The following MORC3 variants were observed in gnomAD, a reference collection of about 807,000 sequenced individuals.
MORC3 encodes the protein MORC family CW-type zinc finger 3.
Under a neutral mutation model 109.1 loss-of-function variants are expected in MORC3, and 31 were observed. The observed-to-expected ratio is 0.28, with a 90% confidence interval of 0.21 to 0.38. The LOEUF (loss-of-function observed/expected upper bound fraction) is 0.38, where lower values mean the gene tolerates loss of function less well. Among genes scored for constraint, MORC3 ranks in the 10% least tolerant of loss-of-function variants. The pLI is 1.00. For synonymous variants in MORC3, 395 were observed against 380.7 expected (o/e 1.04, Z -0.44); for missense variants, 867 against 1,135.8 (o/e 0.76, Z 3.40).
chr21:36,331,676 TAA>T (rs965191433), intron 1 of MORC3, among the ~76,000 whole-genome samples: 6 of 152,016 alleles, frequency 3.9e-5, no homozygotes, highest in African/African-American at 1.5e-4. Context: ...CTCAGGAACT[TAA>T]GAGAGTTCCC....
At chr21:36,368,541 A>G (rs966381720) in intron 14 of MORC3, among the ~76,000 whole-genome samples, 2 of 152,190 alleles carry the variant, frequency 1.3e-5, no homozygotes, top group Non-Finnish European at 2.9e-5. Flanking sequence ...GTACTATACA[A>G]TGCGTCACTT....
chr21:36,320,213 C>G lies in MORC3; in HGVS notation c.-52C>G, dbSNP rs538967727. The G allele has an allele frequency of 4.7e-5, 73 of 1,560,110 alleles. No homozygotes were observed. In the African/African-American group the frequency reaches 8.4e-4, roughly 18 times the overall value. On this transcript the variant is annotated 5_prime_UTR_variant, in exon 1 of 17. Transcript: ENST00000400485. ...TAGGGCTCCACAGTCGTTCCGCCAC[C>G]TCCCAGTCGGGTTGCGGCGGAGGCC...
intron 14 of MORC3, among the ~76,000 whole-genome samples, chr21:36,368,380 C>G (rs911777813): frequency 3.9e-5 from 6 of 152,098 alleles, no homozygotes; most frequent in African/African-American, 1.4e-4. Flanking sequence ...GCATTCTGTT[C>G]TGGAAATGTG....
chr21:36,374,891 C>T (rs1348372528), intron 16 of MORC3, among the ~76,000 whole-genome samples: 3 of 152,012 alleles, frequency 2.0e-5, no homozygotes, highest in Middle Eastern at 3.2e-3. Flanking sequence ...AGGCTGGTCT[C>T]GAACTCCTGG....
chr21:36,326,196 A>G (rs2085246012), intron 1 of MORC3, among the ~76,000 whole-genome samples: 1 of 151,506 alleles, frequency 6.6e-6, no homozygotes. Flanking sequence ...AACAAGAGTG[A>G]AACTTATTCT....
chr21:36,372,167 G>A (rs1365742031), intron 15 of MORC3, among the ~76,000 whole-genome samples: 1 of 151,862 alleles, frequency 6.6e-6, no homozygotes, highest in African/African-American at 2.4e-5. Flanking sequence ...GTAATATGTT[G>A]TATTCTCTCA....
chr21:36,365,265 C>T lies in MORC3; in HGVS notation c.1619+1006C>T, dbSNP rs142853894. On this transcript the variant is annotated intron_variant, in intron 14 of 16. Transcript: ENST00000400485. Reference sequence around the variant, plus strand: ...AGGCTTTGTGATGAGGTGGTACTTACGTTGGTTCCTGAAGTTCTGAAAACA... The same window carrying T: ...AGGCTTTGTGATGAGGTGGTACTTATGTTGGTTCCTGAAGTTCTGAAAACA... Among the ~76,000 whole-genome samples the T allele has an allele frequency of 2.6e-5, 4 of 152,116 alleles. No individual in the cohort carries two copies. The East Asian group carries it at 5.8e-4, about 22-fold the overall frequency.
intron 16 of MORC3, 147 bp downstream of exon 16, chr21:36,372,678 A>G (rs1004421189): frequency 2.6e-6 from 2 of 763,646 alleles, no homozygotes; most frequent in African/African-American, 3.6e-5. Context: ...TGATAGATAA[A>G]AAAGAAGTGA....
At chr21:36,364,545 G>C (rs1400138105) in intron 14 of MORC3, among the ~76,000 whole-genome samples, 2 of 151,694 alleles carry the variant, frequency 1.3e-5, no homozygotes, top group South Asian at 4.2e-4. Context: ...TTAACCAGGC[G>C]TGGTGGCGGG....
intron 1 of MORC3, among the ~76,000 whole-genome samples, chr21:36,327,422 G>C (rs2085261823): frequency 6.6e-6 from 1 of 150,862 alleles, no homozygotes; most frequent in Non-Finnish European, 1.5e-5. Context: ...AAAGTGCTGG[G>C]ATTACAGGAG....
intron 15 of MORC3, among the ~76,000 whole-genome samples, chr21:36,370,639 A>ATTTTTTTTTTTTTTTTTTTTTTTTTTT (rs869169013): frequency 5.3e-5 from 2 of 37,566 alleles, no homozygotes; most frequent in Non-Finnish European, 1.0e-4. Context: ...ATATATATAT[A>ATTTTTTTTTTTTTTTTTTTTTTTTTTT]TTTTTTTTTT....
rs2146294661 is a variant in MORC3 at position 36,333,651 on chromosome 21, C to T, written c.45C>T (p.Cys15=). ...PPRGIRLSAL[C]PKFLHTNSTS... is the part of the protein sequence containing the mutation. ...GGACCTTTTGTTTGTTTCAGCTTTG[C>T]CCGAAGTTTTTACATACAAATTCTA... Residue 15 remains cysteine, a synonymous_variant, in exon 2 of 17, where the codon TGC becomes TGT. Coordinates refer to ENST00000400485, the MANE Select transcript of MORC3 (RefSeq NM_015358.3). The T allele has an allele frequency of 6.2e-7, 1 of 1,612,490 alleles. No individual in the cohort carries two copies. Among genetic ancestry groups the T allele is most frequent in the Admixed American group, 1.7e-5 (1 of 59,966 alleles).
chr21:36,359,886 G>A, intron 10 of MORC3, 69 bp from the exon 11 acceptor site: 2 of 1,566,736 alleles, frequency 1.3e-6, no homozygotes, highest in Non-Finnish European at 1.8e-6. Context: ...TAGAAATGAT[G>A]TGGAACATCT....
intron 2 of MORC3, among the ~76,000 whole-genome samples, chr21:36,334,712 C>T (rs1460552229): frequency 6.6e-6 from 1 of 152,188 alleles, no homozygotes; most frequent in Non-Finnish European, 1.5e-5. Context: ...GTTCTTGCTT[C>T]TTTCAATAAA....
chr21:36,322,265 G>GT (rs1158868294), intron 1 of MORC3, among the ~76,000 whole-genome samples: 1 of 147,004 alleles, frequency 6.8e-6, no homozygotes, highest in African/African-American at 2.5e-5. Context: ...TTTGCTTATA[G>GT]TTTTCAAATG....
chr21:36,337,849 T>C lies in MORC3; in HGVS notation c.363T>C (p.Asn121=). ...LGKDAIVFTK[N]GESMSVGLLS... is the part of the protein sequence containing the mutation. ...AAGACGCAATCGTTTTTACCAAAAA[T>C]GGAGAAAGCATGAGCGTGGGCCTTT... Residue 121 remains asparagine, a synonymous_variant, in exon 4 of 17, where the codon AAT becomes AAC. Coordinates refer to ENST00000400485, the MANE Select transcript of MORC3 (RefSeq NM_015358.3). 2 of 1,614,172 alleles carry C rather than the reference T, an allele frequency of 1.2e-6. No individual in the cohort carries two copies. Among genetic ancestry groups the C allele is most frequent in the Non-Finnish European group, 1.7e-6 (2 of 1,180,030 alleles).
At chr21:36,341,874 TAGTC>T (rs1309996230) in intron 6 of MORC3, among the ~76,000 whole-genome samples, 3 of 152,216 alleles carry the variant, frequency 2.0e-5, no homozygotes, top group South Asian at 2.1e-4. Flanking sequence ...ATCAATATAT[TAGTC>T]AGTATATGGT....
At chr21:36,330,513 C>T (rs1416632090) in intron 1 of MORC3, among the ~76,000 whole-genome samples, 1 of 152,184 alleles carries the variant, frequency 6.6e-6, no homozygotes, top group Non-Finnish European at 1.5e-5. Flanking sequence ...ATACCTCATA[C>T]CACCCTAAAA....
At chr21:36,343,551 C>T (rs142420998) in intron 6 of MORC3, among the ~76,000 whole-genome samples, 1,509 of 150,548 alleles carry the variant, frequency 0.01, 18 homozygotes, top group African/African-American at 0.035. Flanking sequence ...TGGGTTCAAG[C>T]GATTCTTCTG....
Sources: gnomAD v4.1 joint callset for allele counts (sites outside exome capture counted in the v4.1 genomes callset) on GRCh38, gnomAD v4.1.1 for gene constraint, MANE v1.5 for transcripts, NCBI Gene and HGNC (gene_info 2026-07-23, HGNC 2026-07-21) for gene names.